IMMP2L: variants seen among roughly 807,000 people sequenced by gnomAD.
IMMP2L encodes the protein inner mitochondrial membrane peptidase subunit 2.
A neutral mutation model predicts 19.3 loss-of-function variants in IMMP2L; 18 were observed. The observed-to-expected ratio is 0.93, with a 90% CI of 0.64 to 1.38. IMMP2L has a LOEUF of 1.38. IMMP2L is among the 40% of genes most tolerant of loss of function. The probability of loss-of-function intolerance (pLI) is 0.00; values close to 1 mark genes in which losing one functional copy is unlikely to be tolerated. For missense variants in IMMP2L, 233 were observed against 218.2 expected, an observed-to-expected ratio of 1.07 and a Z score of -0.43; for synonymous variants, 76 against 73.0, an observed-to-expected ratio of 1.04 and a Z score of -0.21.
At chr7:110,884,939 C>G (rs1810058938) in intron 5 of IMMP2L, among the ~76,000 whole-genome samples, 1 of 151,978 alleles carries the variant, frequency 6.6e-6, no homozygotes, top group African/African-American at 2.4e-5. Context: ...AGCTCTATTA[C>G]TGTACTGTCA....
chr7:111,499,279 A>AG (rs1250758628), intron 2 of IMMP2L, among the ~76,000 whole-genome samples: 1 of 152,194 alleles, frequency 6.6e-6, no homozygotes, highest in Non-Finnish European at 1.5e-5. Context: ...CTCAGTACCG[A>AG]GGAGCATGAC....
intron 5 of IMMP2L, among the ~76,000 whole-genome samples, chr7:110,872,588 G>C (rs1808642956): frequency 1.3e-5 from 2 of 152,090 alleles, no homozygotes; most frequent in Non-Finnish European, 2.9e-5. Context: ...GGCCAGAATT[G>C]GTTGGTCTAC....
chr7:111,308,751 T>C (rs1184443993), intron 3 of IMMP2L, among the ~76,000 whole-genome samples: 1 of 152,050 alleles, frequency 6.6e-6, no homozygotes, highest in Non-Finnish European at 1.5e-5. Flanking sequence ...AAAAGATGTA[T>C]TCTTCAATAA....
intron 5 of IMMP2L, among the ~76,000 whole-genome samples, chr7:110,669,867 A>G (rs982451322): frequency 6.6e-6 from 1 of 152,182 alleles, no homozygotes; most frequent in Admixed American, 6.5e-5. Flanking sequence ...AGGATAATAA[A>G]AATAAATCAG....
At chr7:111,130,263 C>A (rs1801720564) in intron 3 of IMMP2L, among the ~76,000 whole-genome samples, 1 of 152,058 alleles carries the variant, frequency 6.6e-6, no homozygotes, top group African/African-American at 2.4e-5. Context: ...GTGATAAATT[C>A]AAAGCTAGTA....
chr7:111,356,596 A>T (rs889103454), intron 3 of IMMP2L, among the ~76,000 whole-genome samples: 1 of 152,202 alleles, frequency 6.6e-6, no homozygotes, highest in Non-Finnish European at 1.5e-5. Context: ...TTTTTAGTGT[A>T]GCACTGAAAA....
intron 5 of IMMP2L, among the ~76,000 whole-genome samples, chr7:110,864,773 T>G (rs1368435095): frequency 6.6e-6 from 1 of 152,032 alleles, no homozygotes; most frequent in East Asian, 1.9e-4. Flanking sequence ...AATGAACCAA[T>G]TAAAATTGTC....
intron 3 of IMMP2L, among the ~76,000 whole-genome samples, chr7:111,129,359 T>C (rs1801629337): frequency 6.6e-6 from 1 of 151,548 alleles, no homozygotes; most frequent in African/African-American, 2.4e-5. Flanking sequence ...CACGACATTA[T>C]AGCAAATAAG....
chr7:111,545,427 T>C (rs1306380548), intron 1 of IMMP2L, among the ~76,000 whole-genome samples: 1 of 152,176 alleles, frequency 6.6e-6, no homozygotes, highest in Admixed American at 6.5e-5. Flanking sequence ...AATCTTGCTC[T>C]GTCACCCAGC....
chr7:111,441,151 T>C (rs970803878), intron 3 of IMMP2L, among the ~76,000 whole-genome samples: 1 of 151,908 alleles, frequency 6.6e-6, no homozygotes, highest in African/African-American at 2.4e-5. Flanking sequence ...TTTCTCATCA[T>C]CCATTTATTC....
rs181983067 is a variant in IMMP2L at position 111,557,212 on chromosome 7, T to C, written c.-3+4639A>G. On this transcript the variant is annotated intron_variant, in intron 1 of 5. Coordinates refer to ENST00000405709, the MANE Select transcript of IMMP2L (RefSeq NM_032549.4). ...TCCTTGAAAGCTTCCAGTCTTGCCA[T>C]GACCCCACACCCAACCCCACTCTAC... Among the ~76,000 whole-genome samples, 24 of 152,212 alleles carry C rather than the reference T, an allele frequency of 1.6e-4. No homozygotes were observed. In the East Asian group the frequency reaches 4.4e-3, roughly 28 times the overall value.
At chr7:111,120,023 T>C (rs1272666746) in intron 3 of IMMP2L, among the ~76,000 whole-genome samples, 5 of 151,958 alleles carry the variant, frequency 3.3e-5, no homozygotes, top group Non-Finnish European at 7.4e-5. Flanking sequence ...CCAGGCAGAG[T>C]GATGCAACCA....
rs187287150 is a variant in IMMP2L at position 111,404,206 on chromosome 7, T to A, written c.239+83032A>T. ...AATTCATCTGAGTAGATAACTAGCA[T>A]ACAAAGAATTCAGGTTGAGTGTGCT... is the stretch of plus-strand genomic sequence containing the variant. On this transcript the variant is annotated intron_variant, in intron 3 of 5. Coordinates refer to ENST00000405709, the MANE Select transcript of IMMP2L (RefSeq NM_032549.4). Among the ~76,000 whole-genome samples the A allele has an allele frequency of 9.2e-5, 14 of 152,228 alleles. No homozygotes were observed. In the East Asian group the frequency reaches 2.3e-3, roughly 25 times the overall value.
chr7:111,187,361 T>C (rs1436150559), intron 3 of IMMP2L, among the ~76,000 whole-genome samples: 1 of 152,128 alleles, frequency 6.6e-6, no homozygotes, highest in Non-Finnish European at 1.5e-5. Flanking sequence ...CTAAATATAA[T>C]GCTGGCACTT....
chr7:111,546,505 A>G (rs552765546), intron 1 of IMMP2L, among the ~76,000 whole-genome samples: 11 of 152,130 alleles, frequency 7.2e-5, no homozygotes, highest in Non-Finnish European at 1.3e-4. Context: ...TGCTCTTTAT[A>G]TATTTATGAA....
At chr7:110,849,927 TA>T (rs34406954) in intron 5 of IMMP2L, among the ~76,000 whole-genome samples, 2 of 152,050 alleles carry the variant, frequency 1.3e-5, no homozygotes, top group African/African-American at 4.8e-5. Context: ...GTTCAGTAAC[TA>T]AAATATGTTT....
At chr7:111,490,439 G>A (rs2132305886) in intron 2 of IMMP2L, among the ~76,000 whole-genome samples, 1 of 151,636 alleles carries the variant, frequency 6.6e-6, no homozygotes, top group South Asian at 2.1e-4. Flanking sequence ...TCTTACATCC[G>A]GGTTACCCTT....
At chr7:111,302,378 G>A (rs1417492080) in intron 3 of IMMP2L, among the ~76,000 whole-genome samples, 3 of 152,104 alleles carry the variant, frequency 2.0e-5, no homozygotes, top group Non-Finnish European at 4.4e-5. Context: ...GCCTTGTTCA[G>A]CAGACCAGCA....
intron 5 of IMMP2L, among the ~76,000 whole-genome samples, chr7:110,759,984 C>T (rs1328943936): frequency 6.6e-6 from 1 of 152,124 alleles, no homozygotes; most frequent in Non-Finnish European, 1.5e-5. Flanking sequence ...AGACAATCTG[C>T]TCCAGCACTT....
Sources: gnomAD v4.1 joint callset for allele counts (sites outside exome capture counted in the v4.1 genomes callset) on GRCh38, gnomAD v4.1.1 for gene constraint, MANE v1.5 for transcripts, NCBI Gene and HGNC (gene_info 2026-07-23, HGNC 2026-07-21) for gene names.